Variants in LHX5 observed in about 807,000 individuals in gnomAD.
LHX5 encodes the protein LIM/homeobox protein Lhx5.
LHX5 carries 5 observed loss-of-function variants against 30.6 expected under a neutral mutation model. The observed-to-expected ratio is 0.16, with a 90% CI of 0.09 to 0.34. The LOEUF (loss-of-function observed/expected upper bound fraction) is 0.34. LHX5 is among the 10% of genes least tolerant of loss of function. LHX5 has a pLI of 1.00. For synonymous variants in LHX5, 266 were observed against 252.6 expected (o/e 1.05, Z -0.50); for missense variants, 458 against 570.6 (o/e 0.80, Z 2.01).
chr12:113,465,863 G>GGGGTTGGGGGTCTGTCCA lies in LHX5; in HGVS notation c.841+1375_841+1392dup, dbSNP rs1464590922. Among the ~76,000 whole-genome samples, 1 of 151,618 alleles carries GGGGTTGGGGGTCTGTCCA rather than the reference G, an allele frequency of 6.6e-6. No individual in the cohort carries two copies. The highest frequency in any genetic ancestry group is 2.4e-5 in the African/African-American group (1 of 41,178). Reference sequence around the variant, plus strand: ...GCTCTCCAGGGTTGGGGGTCTGTCCGGGGTTGGGGGTCTGTCCAGGGTTGG... The same window carrying GGGGTTGGGGGTCTGTCCA: ...GCTCTCCAGGGTTGGGGGTCTGTCCGGGGTTGGGGGTCTGTCCAGGGTTGGGGGTCTGTCCAGGGTTGG... On this transcript the variant is annotated intron_variant, in intron 4 of 4. Coordinates refer to ENST00000261731, the MANE Select transcript of LHX5 (RefSeq NM_022363.3). This position sits in a 1 kb window ranked among gnomAD's most constrained non-coding sequence, Gnocchi z 6.7.
chr12:113,467,266 G>T lies in LHX5; in HGVS notation c.831C>A (p.Thr277=). 6.8e-7 allele frequency: 1 copy of T among 1,479,146 alleles called. No individual in the cohort carries two copies. The highest frequency in any genetic ancestry group is 2.3e-5 in the Admixed American group (1 of 42,862). The allele number at this position is 1,479,146 out of a possible 1,614,324, so 91.6% of individuals were successfully genotyped here. A position where few individuals can be genotyped will look rare whatever the true frequency, so the allele number is the denominator to read the frequency against. ...CGGGGCGCCCCTTACCTCCGTAGTA[G>T]GTGTACGGGGTGGACCCCAACATCT... is the stretch of plus-strand genomic sequence containing the variant. ...ESEMLGSTPY[T]YYGDYQGDYY... The change falls in exon 4 of 5, where the codon ACC becomes ACA. Residue 277 remains threonine, a synonymous_variant. Coordinates refer to ENST00000261731, the MANE Select transcript of LHX5 (RefSeq NM_022363.3). The surrounding 1 kb of genome is among the most constrained non-coding windows in gnomAD (Gnocchi z 6.3).
Position 113,464,198 on chromosome 12 carries a change from G to A in LHX5, c.842-641C>T, listed in dbSNP as rs1173561383. Among the ~76,000 whole-genome samples, 1 of 152,324 alleles carries A rather than the reference G, an allele frequency of 6.6e-6. No homozygotes were observed. Among genetic ancestry groups the A allele is most frequent in the East Asian group, 1.9e-4 (1 of 5,184 alleles). On this transcript the variant is annotated intron_variant, in intron 4 of 4. Coordinates refer to ENST00000261731, the MANE Select transcript of LHX5 (RefSeq NM_022363.3). The surrounding 1 kb of genome is among the most constrained non-coding windows in gnomAD (Gnocchi z 6.2). The stretch of plus-strand genomic sequence containing the variant: ...CAGCGAGGGAGTCAGGAGTGAGCCC[G>A]AAGATGGAGAGAAGTCGATGCGCCC...
At position 113,463,232 on chromosome 12, in the gene LHX5, C is replaced by G. The variant is rs769731777; in HGVS notation, c.1167G>C (p.Leu389=). 1.4e-5 allele frequency: 22 copies of G among 1,525,598 alleles called. No individual in the cohort carries two copies. The South Asian group carries it at 2.4e-4, about 17-fold the overall frequency. 94.5% of individuals were successfully genotyped at this position (1,525,598 alleles called of 1,614,324 possible). A position where few individuals can be genotyped will look rare whatever the true frequency, so the allele number is the denominator to read the frequency against. ...MSGTSGYSGP[L]SHPNPELNEA... is the part of the protein sequence containing the mutation. ...CGTTGAGCTCGGGGTTGGGATGCGA[C>G]AGGGGTCCGCTGTAGCCGCTGGTGC... The change falls in exon 5 of 5, where the codon CTG becomes CTC. Residue 389 remains leucine (L), a synonymous_variant. Coordinates refer to ENST00000261731, the MANE Select transcript of LHX5 (RefSeq NM_022363.3). The surrounding 1 kb of genome is among the most constrained non-coding windows in gnomAD (Gnocchi z 6.7).
In LHX5 at chr12:113,465,052, G is replaced by A. The variant is rs1324178953; in HGVS notation, c.842-1495C>T. ...TCTCTTCTGCAAATCCACTCCCCCTGCTGAGTCCTGGGATCTCAGTCAAGG... is the reference window on the plus strand; with the variant it reads ...TCTCTTCTGCAAATCCACTCCCCCTACTGAGTCCTGGGATCTCAGTCAAGG... On this transcript the variant is annotated intron_variant, in intron 4 of 4. Coordinates refer to ENST00000261731, the MANE Select transcript of LHX5 (RefSeq NM_022363.3). The surrounding 1 kb of genome is among the most constrained non-coding windows in gnomAD (Gnocchi z 6.7). Among the ~76,000 whole-genome samples the A allele has an allele frequency of 6.6e-6, 1 of 152,166 alleles. No homozygotes were observed.
At chr12:113,470,543 A>C (rs1179376063) in intron 1 of LHX5, among the ~76,000 whole-genome samples, 1 of 152,136 alleles carries the variant, frequency 6.6e-6, no homozygotes, top group Non-Finnish European at 1.5e-5. Flanking sequence ...TCACGCCCCC[A>C]TTCCTCAGCG....
Position 113,471,746 on chromosome 12 carries a change from T to G in LHX5, c.-248A>C. On this transcript the variant is annotated 5_prime_UTR_variant, in exon 1 of 5. Coordinates refer to ENST00000261731, the MANE Select transcript of LHX5 (RefSeq NM_022363.3). ...GCCACGGGCCGCACGCCCCGGCGCC[T>G]GTTCCGGGCTTCCCCAGGTATCTCG... The G allele has an allele frequency of 2.2e-6, 1 of 459,744 alleles. No homozygotes were observed. The highest frequency in any genetic ancestry group is 3.8e-6 in the Non-Finnish European group (1 of 262,012). 28.5% of individuals were successfully genotyped at this position (459,744 alleles called of 1,614,324 possible).
chr12:113,471,854 G>A lies in LHX5; in HGVS notation c.-356C>T, dbSNP rs1461971842. The A allele has an allele frequency of 1.8e-5, 5 of 274,440 alleles. No individual in the cohort carries two copies. Among genetic ancestry groups the A allele is most frequent in the Non-Finnish European group, 6.8e-6 (1 of 147,402 alleles). The allele number at this position is 274,440 out of a possible 1,614,324, so 17.0% of individuals were successfully genotyped here. On this transcript the variant is annotated 5_prime_UTR_variant, in exon 1 of 5. Transcript: ENST00000261731. ...ACTTTCCCCCACTTTCAAGCGGTCC[G>A]GATCCTCATCTTTGTCTGGTCGCCG... is the stretch of plus-strand genomic sequence containing the variant.
rs960120261 is a variant in LHX5 at position 113,467,988 on chromosome 12, G to A, written c.675+139C>T. 55 of 1,206,556 alleles carry A rather than the reference G, an allele frequency of 4.6e-5. No individual in the cohort carries two copies. Among genetic ancestry groups the A allele is most frequent in the Non-Finnish European group, 5.8e-5 (52 of 892,524 alleles). 74.7% of individuals were successfully genotyped at this position (1,206,556 alleles called of 1,614,324 possible). A position where few individuals can be genotyped will look rare whatever the true frequency, so the allele number is the denominator to read the frequency against. On this transcript the variant is annotated intron_variant, in intron 3 of 4. Transcript: ENST00000261731. This position sits in a 1 kb window ranked among gnomAD's most constrained non-coding sequence, Gnocchi z 6.3. The stretch of plus-strand genomic sequence containing the variant: ...TCACAGTCCCCGACCTCGGGCAAGT[G>A]CCCCACTCGGGCGCACGGTCTGCTC...
In LHX5 at chr12:113,463,527, C is replaced by G; in HGVS notation, c.872G>C (p.Ser291Thr). Residue 291 changes from serine to threonine, a missense_variant, in exon 5 of 5, where the codon AGC (serine) becomes ACC (threonine). Around this residue, in one of 3 missense-constraint regions of LHX5, gnomAD observed 255 missense variants for 246.8 expected, o/e 1.03. Coordinates refer to ENST00000261731, the MANE Select transcript of LHX5 (RefSeq NM_022363.3). This position sits in a 1 kb window ranked among gnomAD's most constrained non-coding sequence, Gnocchi z 6.7. ...DYQGDYYAPG[S>T]NYDFFAHGPP... ...GCCGTGCGCGAAGAAGTCGTAGTTG[C>G]TTCCCGGCGCGTAGTAGTCGCCTTG... is the stretch of plus-strand genomic sequence containing the variant. The G allele has an allele frequency of 6.4e-7, 1 of 1,557,620 alleles. No homozygotes were observed. The highest frequency in any genetic ancestry group is 8.6e-7 in the Non-Finnish European group (1 of 1,159,866).
Position 113,468,241 on chromosome 12 carries a change from G to A in LHX5, c.561C>T (p.Ile187=). 1.9e-6 allele frequency: 3 copies of A among 1,614,068 alleles called. No individual in the cohort carries two copies. Among genetic ancestry groups the A allele is most frequent in the East Asian group, 2.2e-5 (1 of 44,870 alleles). Residue 187 remains isoleucine (I), a synonymous_variant, in exon 3 of 5, where the codon ATC becomes ATT. Transcript: ENST00000261731. ...TGAGCGTCTCCAGCTGCTTGGCCTT[G>A]ATGGTGGTGCGGGGGCCGCGCCGCT... The part of the protein sequence containing the change: ...GTKRRGPRTT[I]KAKQLETLKA...
At chr12:113,470,489 C>T (rs541695509) in intron 1 of LHX5, among the ~76,000 whole-genome samples, 3 of 152,322 alleles carry the variant, frequency 2.0e-5, no homozygotes, top group Non-Finnish European at 2.9e-5. Flanking sequence ...ATTCTCAGTG[C>T]GGAGTCGCTG....
rs1406383718 is a variant in LHX5, at chr12:113,471,553, C to T, written c.-55G>A. ...TTGCCCTCCCTTTGGGCCCCTGGCC[C>T]TCGGGCCTGCCGGGCCCTCCGCTGC... On this transcript the variant is annotated 5_prime_UTR_variant, in exon 1 of 5. Transcript: ENST00000261731. 1.3e-6 allele frequency: 2 copies of T among 1,511,252 alleles called. No homozygotes were observed. The highest frequency in any genetic ancestry group is 2.1e-5 in the Admixed American group (1 of 47,962). 93.6% of individuals were successfully genotyped at this position (1,511,252 alleles called of 1,614,324 possible).
At position 113,467,360 on chromosome 12, in the gene LHX5, G is replaced by C; in HGVS notation, c.737C>G (p.Ala246Gly). The C allele has an allele frequency of 6.3e-7, 1 of 1,588,414 alleles. No individual in the cohort carries two copies. Among genetic ancestry groups the C allele is most frequent in the Non-Finnish European group, 8.6e-7 (1 of 1,164,698 alleles). The part of the protein sequence containing the change: ...RRMKQLSALG[A>G]RRHAFFRSPR... ...ACTCCGGAAGAAGGCGTGCCTCCGG[G>C]CGCCTAGGGCGCTCAGCTGTTTCAT... is the stretch of plus-strand genomic sequence containing the variant. The change falls in exon 4 of 5, where the codon GCC becomes GGC. Residue 246 changes from alanine to glycine, a missense_variant. This residue lies in a region of LHX5 where 255 missense variants were observed against 246.8 expected (regional missense o/e 1.03). Coordinates refer to ENST00000261731, the MANE Select transcript of LHX5 (RefSeq NM_022363.3). The surrounding 1 kb of genome is among the most constrained non-coding windows in gnomAD (Gnocchi z 6.3).
chr12:113,468,427 G>A (rs1195650319), intron 2 of LHX5, 23 bp from the exon 3 acceptor site: 28 of 1,589,298 alleles, frequency 1.8e-5, no homozygotes, highest in Non-Finnish European at 2.1e-5. Context: ...GGATCGGGAA[G>A]GGGACAGCGG....
chr12:113,469,080 G>C (rs1051771575), intron 2 of LHX5, 42 bp downstream of exon 2: 2 of 1,460,882 alleles, frequency 1.4e-6, no homozygotes, highest in East Asian at 2.4e-5. Context: ...ACGGTGGGAG[G>C]GTGCTAAGGC....
At position 113,465,398 on chromosome 12, in the gene LHX5, C is replaced by T. The variant is rs561529056; in HGVS notation, c.842-1841G>A. 6.6e-6 allele frequency among the ~76,000 whole-genome samples: 1 copy of T among 152,190 alleles called. No individual in the cohort carries two copies. Among genetic ancestry groups the T allele is most frequent in the Non-Finnish European group, 1.5e-5 (1 of 68,030 alleles). Reference sequence around the variant, plus strand: ...GCGGCCGGGCCGGAGGTAATTGGAACAAACGCCGTCTGAAAAGGGCACAAA... The same window carrying T: ...GCGGCCGGGCCGGAGGTAATTGGAATAAACGCCGTCTGAAAAGGGCACAAA... On this transcript the variant is annotated intron_variant, in intron 4 of 4. Transcript: ENST00000261731. The surrounding 1 kb of genome is among the most constrained non-coding windows in gnomAD (Gnocchi z 6.7).
Position 113,468,358 on chromosome 12 carries a change from T to C in LHX5, c.444A>G (p.Ala148=). ...DRSLSPDLQD[A]LQDDPKETDN... ...CCGTCTCTTTGGGGTCGTCCTGCAG[T>C]GCGTCCTGGAGGTCCGGGGACAAAC... Residue 148 remains alanine (A), a synonymous_variant, in exon 3 of 5, where the codon GCA becomes GCG. Coordinates refer to ENST00000261731, the MANE Select transcript of LHX5 (RefSeq NM_022363.3). 1.2e-6 allele frequency: 2 copies of C among 1,614,066 alleles called. No homozygotes were observed. The highest frequency in any genetic ancestry group is 8.5e-7 in the Non-Finnish European group (1 of 1,179,928).
At chr12:113,469,654 A>T (rs1958235673) in intron 1 of LHX5, among the ~76,000 whole-genome samples, 1 of 152,120 alleles carries the variant, frequency 6.6e-6, no homozygotes, top group African/African-American at 2.4e-5. Flanking sequence ...TCCTCCCCCA[A>T]ACCCAACCCC....
intron 2 of LHX5, 133 bp from the exon 3 acceptor site, chr12:113,468,537 C>T: frequency 1.7e-6 from 2 of 1,155,556 alleles, no homozygotes; most frequent in Non-Finnish European, 1.2e-6. Context: ...GGATTCCCTC[C>T]CAAACCTGCG....
Sources: gnomAD v4.1 joint callset for allele counts (sites outside exome capture counted in the v4.1 genomes callset) on GRCh38, gnomAD v4.1.1 for gene constraint, gnomAD v4.1.1 regional missense constraint, Gnocchi (gnomAD v3.1) non-coding constraint, MANE v1.5 for transcripts, NCBI Gene and HGNC (gene_info 2026-07-23, HGNC 2026-07-21) for gene names.